SCAI: variants seen among roughly 807,000 people sequenced by gnomAD.
SCAI encodes suppressor of cancer cell invasion, also known as protein SCAI.
A neutral mutation model predicts 92.2 loss-of-function variants in SCAI; 24 were observed. The observed-to-expected ratio is 0.26, with a 90% CI of 0.19 to 0.37. SCAI has a LOEUF of 0.37. SCAI is among the 10% of genes least tolerant of loss of function. The pLI, the probability that SCAI is intolerant of heterozygous loss-of-function variation, is 1.00. For synonymous variants in SCAI, 261 were observed against 258.6 expected, an observed-to-expected ratio of 1.01 and a Z score of -0.09; for missense variants, 450 against 736.2, an observed-to-expected ratio of 0.61 and a Z score of 4.50.
intron 2 of SCAI, among the ~76,000 whole-genome samples, chr9:125,087,039 A>C (rs650599): frequency 0.28 from 41,949 of 152,076 alleles, 5,994 homozygotes; most frequent in Middle Eastern, 0.31. Flanking sequence ...ACTTTGGAAA[A>C]CCAGACTGTA....
chr9:125,055,834 G>C, intron 3 of SCAI, 42 bp downstream of exon 3: 1 of 1,528,174 alleles, frequency 6.5e-7, no homozygotes, highest in Non-Finnish European at 8.8e-7. Context: ...AAAAACAAAT[G>C]CAGAACTAAA....
At chr9:125,114,415 T>C (rs914985227) in intron 2 of SCAI, among the ~76,000 whole-genome samples, 2 of 152,148 alleles carry the variant, frequency 1.3e-5, no homozygotes, top group Non-Finnish European at 2.9e-5. Flanking sequence ...AAAAAAATTA[T>C]ACATCTAGTA....
At chr9:125,114,195 C>T (rs1485151372) in intron 2 of SCAI, among the ~76,000 whole-genome samples, 2 of 152,106 alleles carry the variant, frequency 1.3e-5, no homozygotes, top group African/African-American at 4.8e-5. Flanking sequence ...TAAGGTCACT[C>T]AACATTCCTT....
At chr9:125,118,197 T>C (rs1835090605) in intron 2 of SCAI, among the ~76,000 whole-genome samples, 2 of 152,146 alleles carry the variant, frequency 1.3e-5, no homozygotes, top group African/African-American at 2.4e-5. Flanking sequence ...AAAGGCTTGT[T>C]AAAAAATAAA....
intron 15 of SCAI, among the ~76,000 whole-genome samples, chr9:124,973,224 A>G (rs1831693504): frequency 6.6e-6 from 1 of 152,238 alleles, no homozygotes; most frequent in South Asian, 2.1e-4. Flanking sequence ...TTTCACTTTC[A>G]GTATCGTGTT....
chr9:125,130,911 C>A (rs1032587782), intron 2 of SCAI, among the ~76,000 whole-genome samples: 1 of 146,132 alleles, frequency 6.8e-6, no homozygotes, highest in Admixed American at 6.9e-5. Flanking sequence ...AGTTATGAAC[C>A]TTATCTGGAT....
intron 13 of SCAI, 91 bp downstream of exon 13, chr9:124,999,800 C>G: frequency 1.5e-6 from 1 of 678,818 alleles, no homozygotes; most frequent in Non-Finnish European, 2.5e-6. Flanking sequence ...CATTCTAGTA[C>G]TAGAAAAAAC....
intron 14 of SCAI, among the ~76,000 whole-genome samples, chr9:124,994,191 C>T (rs1254088793): frequency 6.6e-6 from 1 of 152,012 alleles, no homozygotes; most frequent in Non-Finnish European, 1.5e-5. Flanking sequence ...CGCACCACCA[C>T]GCCTGGCTAA....
In SCAI at chr9:124,976,179, G is replaced by A. The variant is rs1465303498; in HGVS notation, c.1334C>T (p.Thr445Ile). 1 of 1,601,410 alleles carries A rather than the reference G, an allele frequency of 6.2e-7. No homozygotes were observed. The highest frequency in any genetic ancestry group is 8.6e-7 in the Non-Finnish European group (1 of 1,168,706). The change falls in exon 15 of 18, where the codon ACA becomes ATA. Residue 445 changes from threonine to isoleucine, a missense_variant. Coordinates refer to ENST00000336505, the MANE Select transcript of SCAI (RefSeq NM_001144877.3). Reference sequence around the variant, plus strand: ...GACTAGTGGCTGTCCAAACAAGTTTGTGAAATTCTGTAATATATAAGAATT... The same window carrying A: ...GACTAGTGGCTGTCCAAACAAGTTTATGAAATTCTGTAATATATAAGAATT... ...SSNSVAYKNF[T>I]NLFGQPLVCL...
intron 3 of SCAI, among the ~76,000 whole-genome samples, chr9:125,049,111 G>A (rs567931801): frequency 6.6e-6 from 1 of 151,062 alleles, no homozygotes; most frequent in South Asian, 2.1e-4. Flanking sequence ...CTTCACTTTG[G>A]GGCACCTCCC....
chr9:125,011,591 C>T (rs550080679), intron 9 of SCAI, among the ~76,000 whole-genome samples: 2 of 152,288 alleles, frequency 1.3e-5, no homozygotes, highest in South Asian at 4.1e-4. Context: ...AGAATGGAAC[C>T]AAGTTGGAAA....
chr9:124,953,692 CGTGA>C (rs1383695171), intron 17 of SCAI, among the ~76,000 whole-genome samples: 1 of 152,068 alleles, frequency 6.6e-6, no homozygotes, highest in African/African-American at 2.4e-5. Flanking sequence ...GGATTACAGG[CGTGA>C]GCCACCGTGC....
intron 17 of SCAI, 121 bp downstream of exon 17, chr9:124,971,249 T>A (rs934554089): frequency 3.9e-6 from 2 of 508,392 alleles, no homozygotes; most frequent in Admixed American, 7.6e-5. Context: ...AAATATTATT[T>A]TGAATTTATC....
At position 124,967,903 on chromosome 9, in the gene SCAI, T is replaced by C; in HGVS notation, c.1674+3467A>G. On this transcript the variant is annotated intron_variant, in intron 17 of 17. Coordinates refer to ENST00000336505, the MANE Select transcript of SCAI (RefSeq NM_001144877.3). ...TTTTGAGACAGAACAGTGAGCAGGT[T>C]AACCAGTTGCTCTTCATGTACTTCT... is the stretch of plus-strand genomic sequence containing the variant. 1.3e-5 allele frequency among the ~76,000 whole-genome samples: 2 copies of C among 152,246 alleles called. 1 individual carries two copies. Among genetic ancestry groups the C allele is most frequent in the Non-Finnish European group, 2.9e-5 (2 of 68,038 alleles).
intron 2 of SCAI, among the ~76,000 whole-genome samples, chr9:125,101,619 C>T (rs570012830): frequency 2.6e-5 from 4 of 152,170 alleles, no homozygotes; most frequent in Non-Finnish European, 4.4e-5. Flanking sequence ...AAATGCAGAA[C>T]AGGCAGCTGG....
intron 3 of SCAI, among the ~76,000 whole-genome samples, chr9:125,050,444 T>G (rs929452278): frequency 6.6e-6 from 1 of 151,198 alleles, no homozygotes; most frequent in African/African-American, 2.4e-5. Context: ...ACAGGGAGAG[T>G]AGTGTAGACA....
At chr9:125,087,089 G>C (rs933486753) in intron 2 of SCAI, among the ~76,000 whole-genome samples, 1 of 152,134 alleles carries the variant, frequency 6.6e-6, no homozygotes, top group Non-Finnish European at 1.5e-5. Flanking sequence ...ATAAATAAGT[G>C]TAAGAAGAAA....
chr9:124,995,134 C>A, intron 13 of SCAI, 119 bp from the exon 14 acceptor site: 1 of 630,734 alleles, frequency 1.6e-6, no homozygotes, highest in South Asian at 2.6e-5. Flanking sequence ...AAAACAAAGA[C>A]TAGTTAAGCA....
intron 2 of SCAI, among the ~76,000 whole-genome samples, chr9:125,100,456 C>A (rs976436363): frequency 1.3e-5 from 2 of 152,130 alleles, no homozygotes; most frequent in South Asian, 4.1e-4. Flanking sequence ...ACAAAGCAGA[C>A]GAGTGCCAGC....
Sources: gnomAD v4.1 joint callset for allele counts (sites outside exome capture counted in the v4.1 genomes callset) on GRCh38, gnomAD v4.1.1 for gene constraint, MANE v1.5 for transcripts, NCBI Gene and HGNC (gene_info 2026-07-23, HGNC 2026-07-21) for gene names.